The following CYP3A4 variants were observed in gnomAD, a reference collection of about 807,000 sequenced individuals.
The protein encoded by CYP3A4 is cytochrome P450 family 3 subfamily A member 4, also known as cytochrome P450 3A4.
CYP3A4 carries 41 observed loss-of-function variants against 54.9 expected under a neutral mutation model. The observed-to-expected ratio is 0.75, with a 90% CI of 0.58 to 0.97. The LOEUF (loss-of-function observed/expected upper bound fraction) is 0.97, where lower values mean the gene tolerates loss of function less well. Ranked by LOEUF, CYP3A4 falls within the 50% of genes least tolerant of loss-of-function variation. The probability of loss-of-function intolerance (pLI) is 0.00; values close to 1 mark genes in which losing one functional copy is unlikely to be tolerated. For synonymous variants in CYP3A4, 179 were observed against 205.2 expected, an observed-to-expected ratio of 0.87 and a Z score of 1.09; for missense variants, 510 against 597.3, an observed-to-expected ratio of 0.85 and a Z score of 1.52.
intron 12 of CYP3A4, among the ~76,000 whole-genome samples, chr7:99,760,332 T>G (rs1244588559): frequency 6.6e-6 from 1 of 152,182 alleles, no homozygotes; most frequent in Non-Finnish European, 1.5e-5. Flanking sequence ...AGCCACACTC[T>G]GGGCAAATTA....
intron 11 of CYP3A4, 140 bp downstream of exon 11, chr7:99,761,901 T>C (rs1815342606): frequency 2.5e-6 from 2 of 813,070 alleles, no homozygotes; most frequent in Non-Finnish European, 3.9e-6. Flanking sequence ...ATAATCAATT[T>C]GATGATTAAA....
Position 99,764,003 on chromosome 7 carries a change from A to G in CYP3A4, c.878T>C (p.Leu293Pro), listed in dbSNP as rs28371759. 1,015 of 1,613,998 alleles carry G rather than the reference A, an allele frequency of 6.3e-4. 18 individuals carry two copies. In the East Asian group the frequency reaches 0.017, roughly 28 times the overall value. ...GATAATTGATTGGGCCACGAGCTCC[A>G]GATCGGACAGAGCTGAAAGGAGAGG... ...ETESHKALSD[L>P]ELVAQSIIFI... is the part of the protein sequence containing the mutation. The change falls in exon 10 of 13, where the codon CTG becomes CCG. Residue 293 changes from leucine to proline, a missense_variant. Physicochemically the swap from Leu to Pro is moderately conservative, Grantham distance 98 (BLOSUM62 -3). Transcript: ENST00000651514.
intron 1 of CYP3A4, among the ~76,000 whole-genome samples, chr7:99,780,528 G>A (rs775828050): frequency 6.6e-6 from 1 of 152,194 alleles, no homozygotes; most frequent in South Asian, 2.1e-4. Flanking sequence ...CATCACTGCA[G>A]CCACTCAGTC....
intron 2 of CYP3A4, 70 bp downstream of exon 2, chr7:99,779,921 AT>A: frequency 6.9e-7 from 1 of 1,443,234 alleles, no homozygotes; most frequent in African/African-American, 1.4e-5. Flanking sequence ...GAGGAGAAGC[AT>A]TTTTACTGAT....
At chr7:99,766,325 A>T in intron 9 of CYP3A4, 52 bp downstream of exon 9, 1 of 1,591,398 alleles carries the variant, frequency 6.3e-7, no homozygotes, top group South Asian at 1.1e-5. Flanking sequence ...TTTCAGAACA[A>T]GGCCTTCCCT....
At chr7:99,761,359 G>A (rs1815323807) in intron 11 of CYP3A4, among the ~76,000 whole-genome samples, 1 of 152,142 alleles carries the variant, frequency 6.6e-6, no homozygotes, top group Non-Finnish European at 1.5e-5. Context: ...TTGGTCATGA[G>A]GAAGGAGAAG....
At chr7:99,764,097 G>A in intron 9 of CYP3A4, 82 bp from the exon 10 acceptor site, 1 of 1,595,130 alleles carries the variant, frequency 6.3e-7, no homozygotes, top group Non-Finnish European at 8.6e-7. Flanking sequence ...TCTAAGTGAA[G>A]CCCTCAAATC....
chr7:99,766,690 A>C, intron 8 of CYP3A4: 1 of 525,504 alleles, frequency 1.9e-6, no homozygotes, highest in Non-Finnish European at 3.4e-6. Flanking sequence ...ACACTTCAGC[A>C]GGTGGCCTGA....
At chr7:99,777,423 A>G (rs892151727) in intron 3 of CYP3A4, among the ~76,000 whole-genome samples, 1 of 151,978 alleles carries the variant, frequency 6.6e-6, no homozygotes, top group Non-Finnish European at 1.5e-5. Context: ...AACCTTCGAA[A>G]AGTTTTACAA....
intron 3 of CYP3A4, among the ~76,000 whole-genome samples, chr7:99,774,303 A>C (rs536191585): frequency 5.9e-5 from 9 of 152,194 alleles, no homozygotes; most frequent in African/African-American, 2.2e-4. Context: ...AATTTTTCTG[A>C]ACAATAGAAA....
At chr7:99,780,404 C>T (rs1815889666) in intron 1 of CYP3A4, among the ~76,000 whole-genome samples, 1 of 152,140 alleles carries the variant, frequency 6.6e-6, no homozygotes, top group South Asian at 2.1e-4. Context: ...TCTTCCAGGT[C>T]ACTTTGTTCC....
chr7:99,783,956 G>A, intron 1 of CYP3A4, 55 bp downstream of exon 1: 1 of 1,566,450 alleles, frequency 6.4e-7, no homozygotes, highest in East Asian at 2.2e-5. Context: ...AGAGAGGCCT[G>A]ATTAGCACCC....
At chr7:99,770,740 G>A (rs145481203) in intron 4 of CYP3A4, among the ~76,000 whole-genome samples, 1 of 152,180 alleles carries the variant, frequency 6.6e-6, no homozygotes, top group African/African-American at 2.4e-5. Context: ...TTTAAAACTA[G>A]GAACATATTT....
At chr7:99,768,109 T>G (rs999683646) in intron 7 of CYP3A4, among the ~76,000 whole-genome samples, 1 of 152,164 alleles carries the variant, frequency 6.6e-6, no homozygotes, top group African/African-American at 2.4e-5. Context: ...AGAAAGTTGA[T>G]TAGTGGTTGC....
At chr7:99,769,929 A>C in intron 5 of CYP3A4, 73 bp from the exon 6 acceptor site, 1 of 1,603,992 alleles carries the variant, frequency 6.2e-7, no homozygotes, top group Non-Finnish European at 8.5e-7. Flanking sequence ...GGCTTTCCCC[A>C]GCATGGAGCA....
intron 7 of CYP3A4, among the ~76,000 whole-genome samples, 167 bp downstream of exon 7, chr7:99,768,183 CAAAA>C (rs971167188): frequency 2.0e-5 from 3 of 151,980 alleles, no homozygotes; most frequent in African/African-American, 4.8e-5. Flanking sequence ...TCTAGATTGA[CAAAA>C]AAAGTTTTAA....
intron 7 of CYP3A4, among the ~76,000 whole-genome samples, chr7:99,768,031 G>A (rs183755082): frequency 4.6e-5 from 7 of 152,278 alleles, no homozygotes; most frequent in South Asian, 4.2e-4. Context: ...ATGAACTAGA[G>A]AATAAAAAAC....
At chr7:99,771,509 A>C (rs1364529397) in intron 4 of CYP3A4, among the ~76,000 whole-genome samples, 1 of 152,222 alleles carries the variant, frequency 6.6e-6, no homozygotes, top group Non-Finnish European at 1.5e-5. Flanking sequence ...GAATTGAAAG[A>C]TCAAACAGTA....
At chr7:99,773,956 C>A (rs1815695953) in intron 3 of CYP3A4, among the ~76,000 whole-genome samples, 1 of 151,572 alleles carries the variant, frequency 6.6e-6, no homozygotes. Context: ...GCTAGCAAGA[C>A]TAATAAAGAA....
Sources: gnomAD v4.1 joint callset for allele counts (sites outside exome capture counted in the v4.1 genomes callset) on GRCh38, gnomAD v4.1.1 for gene constraint, MANE v1.5 for transcripts, NCBI Gene and HGNC (gene_info 2026-07-23, HGNC 2026-07-21) for gene names.